HNF1A: variants seen among roughly 807,000 people sequenced by gnomAD.
The protein encoded by HNF1A is hepatocyte nuclear factor 1-alpha.
A neutral mutation model predicts 62.2 loss-of-function variants in HNF1A; 21 were observed. The ratio of observed to expected loss-of-function variants is 0.34; its 90% CI spans 0.24 to 0.49. HNF1A has a LOEUF of 0.49. Ranked by LOEUF, HNF1A falls within the 20% of genes least tolerant of loss-of-function variation. The probability of loss-of-function intolerance (pLI) is 0.99; values close to 1 mark genes in which losing one functional copy is unlikely to be tolerated. For synonymous variants in HNF1A, 374 were observed against 366.8 expected (o/e 1.02, Z -0.22); for missense variants, 687 against 832.3 (o/e 0.83, Z 2.15).
intron 2 of HNF1A, among the ~76,000 whole-genome samples, chr12:120,992,382 T>A (rs990884536): frequency 6.6e-6 from 1 of 152,222 alleles, no homozygotes; most frequent in African/African-American, 2.4e-5. Context: ...TTATACTTGA[T>A]AATGTAAACT....
At position 120,979,062 on chromosome 12, in the gene HNF1A, C is replaced by G. The variant is rs1876115150; in HGVS notation, c.294C>G (p.Ala98=). Residue 98 remains alanine, a synonymous_variant, in exon 1 of 10, where the codon GCC becomes GCG. Transcript: ENST00000257555. ...AGAACCTCAGCCCTGAGGAGGCGGC[C>G]CACCAGAAAGCCGTGGTGGAGACCC... ...ELENLSPEEA[A]HQKAVVETLL... The G allele has an allele frequency of 6.2e-7, 1 of 1,611,774 alleles. No homozygotes were observed. The highest frequency in any genetic ancestry group is 8.5e-7 in the Non-Finnish European group (1 of 1,179,124).
chr12:120,987,800 A>T (rs568935450), intron 1 of HNF1A, among the ~76,000 whole-genome samples: 72 of 151,838 alleles, frequency 4.7e-4, no homozygotes, highest in African/African-American at 1.6e-3. Context: ...CTATCTATCT[A>T]TCTATCTATC....
In HNF1A at chr12:120,993,512, G is replaced by T; in HGVS notation, c.527-8G>T. The T allele has an allele frequency of 6.2e-7, 1 of 1,613,780 alleles. No homozygotes were observed. The stretch of plus-strand genomic sequence containing the variant: ...CAGTACCCCACTCACGGCTTTCTGT[G>T]CCTGCAGAGTTCACCCATGCAGGGC... On this transcript the variant is annotated splice_polypyrimidine_tract_variant and splice_region_variant and intron_variant, in intron 2 of 9. Coordinates refer to ENST00000257555, the MANE Select transcript of HNF1A (RefSeq NM_000545.8).
In HNF1A at chr12:120,994,315, C is replaced by G. The variant is rs765829022; in HGVS notation, c.865C>G (p.Pro289Ala). Residue 289 changes from proline to alanine, a missense_variant, in exon 4 of 10, where the codon CCC (proline) becomes GCC (alanine). Around this residue, in one of 5 missense-constraint regions of HNF1A, gnomAD observed 408 missense variants for 455.3 expected, o/e 0.90. Coordinates refer to ENST00000257555, the MANE Select transcript of HNF1A (RefSeq NM_000545.8). The part of the protein sequence containing the change: ...HKLAMDTYSG[P>A]PPGPGPGPAL... ...GCTGGCCATGGACACGTACAGCGGG[C>G]CCCCCCCAGGGCCAGGCCCGGGACC... is the stretch of plus-strand genomic sequence containing the variant. 1.9e-5 allele frequency: 31 copies of G among 1,595,660 alleles called. No individual in the cohort carries two copies. The highest frequency in any genetic ancestry group is 2.5e-5 in the Non-Finnish European group (29 of 1,165,674).
At position 121,001,144 on chromosome 12, in the gene HNF1A, C is replaced by T. The variant is rs375702866; in HGVS notation, c.1848C>T (p.Ser616=). ...GQSHLLPSNH[S]VIETFISTQM... ...GCCACCTGCTGCCATCCAACCACAGCGTCATCGAGACCTTCATCTCCACCC... is the reference window on the plus strand; with the variant it reads ...GCCACCTGCTGCCATCCAACCACAGTGTCATCGAGACCTTCATCTCCACCC... The change falls in exon 10 of 10, where the codon AGC becomes AGT. Residue 616 remains serine (S), a synonymous_variant. Coordinates refer to ENST00000257555, the MANE Select transcript of HNF1A (RefSeq NM_000545.8). 38 of 1,613,986 alleles carry T rather than the reference C, an allele frequency of 2.4e-5. 1 individual carries two copies. Among genetic ancestry groups the T allele is most frequent in the South Asian group, 1.3e-4 (12 of 91,090 alleles).
chr12:120,997,405 T>C, intron 6 of HNF1A, 69 bp from the exon 7 acceptor site: 1 of 1,487,058 alleles, frequency 6.7e-7, no homozygotes, highest in Non-Finnish European at 9.0e-7. Flanking sequence ...GGTGGTGCCC[T>C]TGGGAGGTCT....
Position 121,001,168 on chromosome 12 carries a change from C to T in HNF1A, c.1872C>T (p.Thr624=), listed in dbSNP as rs1465747582. The T allele has an allele frequency of 1.2e-6, 2 of 1,614,012 alleles. No homozygotes were observed. Among genetic ancestry groups the T allele is most frequent in the African/African-American group, 2.7e-5 (2 of 74,942 alleles). The change falls in exon 10 of 10, where the codon ACC becomes ACT. Residue 624 remains threonine, a synonymous_variant. Coordinates refer to ENST00000257555, the MANE Select transcript of HNF1A (RefSeq NM_000545.8). ...GCGTCATCGAGACCTTCATCTCCACCCAGATGGCCTCTTCCTCCCAGTAAC... is the reference window on the plus strand; with the variant it reads ...GCGTCATCGAGACCTTCATCTCCACTCAGATGGCCTCTTCCTCCCAGTAAC... ...NHSVIETFIS[T]QMASSSQ is the part of the protein sequence containing the mutation.
chr12:121,002,506 G>A lies in HNF1A; in HGVS notation c.*1314G>A. On this transcript the variant is annotated 3_prime_UTR_variant, in exon 10 of 10. Coordinates refer to ENST00000257555, the MANE Select transcript of HNF1A (RefSeq NM_000545.8). The stretch of plus-strand genomic sequence containing the variant: ...TTTAGTAAAGTCAAGGAGAAATGCG[G>A]TGGAAACTTCTTGCTTGTCCACAAA... The A allele has an allele frequency of 2.0e-6, 1 of 509,850 alleles. No homozygotes were observed. Among genetic ancestry groups the A allele is most frequent in the Non-Finnish European group, 3.8e-6 (1 of 259,784 alleles). 31.6% of individuals were successfully genotyped at this position (509,850 alleles called of 1,614,324 possible).
chr12:120,995,032 T>C (rs1877030517), intron 4 of HNF1A, among the ~76,000 whole-genome samples: 4 of 150,330 alleles, frequency 2.7e-5, no homozygotes, highest in Admixed American at 2.0e-4. Flanking sequence ...CTCTACTCCA[T>C]CCACTCCCCT....
intron 2 of HNF1A, among the ~76,000 whole-genome samples, chr12:120,990,396 T>A (rs975113346): frequency 1.3e-5 from 2 of 152,186 alleles, no homozygotes; most frequent in African/African-American, 2.4e-5. Context: ...CCCAAAGCGC[T>A]GGGATTATAG....
rs2135847733 is a variant in HNF1A at position 120,997,558 on chromosome 12, C to A, written c.1394C>A (p.Ser465Tyr). Residue 465 changes from serine (S) to tyrosine (Y), a missense_variant, in exon 7 of 10, where the codon TCC becomes TAC. By Grantham distance (144) the Ser-to-Tyr change is moderately radical. This residue lies in a region of HNF1A where 408 missense variants were observed against 455.3 expected (regional missense o/e 0.90). Transcript: ENST00000257555. ...SLTTLQPVQF[S>Y]QPLHPSYQQP... ...ACCACCCTGCAGCCCGTCCAGTTCT[C>A]CCAGCCGCTGCACCCCTCCTACCAG... is the stretch of plus-strand genomic sequence containing the variant. The A allele has an allele frequency of 6.2e-7, 1 of 1,613,648 alleles. No homozygotes were observed. The highest frequency in any genetic ancestry group is 8.5e-7 in the Non-Finnish European group (1 of 1,180,014).
chr12:120,998,280 C>CAA (rs36059178), intron 7 of HNF1A: 46 of 140,318 alleles, frequency 3.3e-4, no homozygotes, highest in East Asian at 8.2e-4. Flanking sequence ...AGTACTCTGC[C>CAA]AAAAAAAAAA....
At chr12:120,980,002 G>A (rs1277865242) in intron 1 of HNF1A, among the ~76,000 whole-genome samples, 1 of 152,122 alleles carries the variant, frequency 6.6e-6, no homozygotes, top group African/African-American at 2.4e-5. Flanking sequence ...GGGGGCTACA[G>A]GGGCCACCCC....
intron 1 of HNF1A, among the ~76,000 whole-genome samples, chr12:120,988,024 C>G: frequency 6.7e-6 from 1 of 149,894 alleles, no homozygotes; most frequent in South Asian, 2.1e-4. Context: ...ACCCACCCAC[C>G]AATCCATCCA....
At position 121,001,901 on chromosome 12, in the gene HNF1A, T is replaced by C. The variant is rs1877513771; in HGVS notation, c.*709T>C. The C allele has an allele frequency of 5.9e-6, 3 of 512,548 alleles. No individual in the cohort carries two copies. Among genetic ancestry groups the C allele is most frequent in the South Asian group, 3.2e-5 (2 of 61,624 alleles). The allele number at this position is 512,548 out of a possible 1,614,324, so 31.8% of individuals were successfully genotyped here. On this transcript the variant is annotated 3_prime_UTR_variant, in exon 10 of 10. Transcript: ENST00000257555. Reference sequence around the variant, plus strand: ...CAGGCCCCATGACCTCCAGCTTTCCTGTATTTGTTCCCAAGAGCATCATGC... The same window carrying C: ...CAGGCCCCATGACCTCCAGCTTTCCCGTATTTGTTCCCAAGAGCATCATGC...
chr12:120,999,664 C>G (rs1565888274), intron 9 of HNF1A, 37 bp downstream of exon 9: 1 of 1,592,820 alleles, frequency 6.3e-7, no homozygotes, highest in Non-Finnish European at 8.5e-7. Flanking sequence ...CCTTACTGTC[C>G]CTGCCCCCTT....
Position 121,001,254 on chromosome 12 carries a change from A to G in HNF1A, c.*62A>G, listed in dbSNP as rs2135855144. 1 of 1,595,988 alleles carries G rather than the reference A, an allele frequency of 6.3e-7. No individual in the cohort carries two copies. On this transcript the variant is annotated 3_prime_UTR_variant, in exon 10 of 10. Coordinates refer to ENST00000257555, the MANE Select transcript of HNF1A (RefSeq NM_000545.8). The stretch of plus-strand genomic sequence containing the variant: ...TTGGGGGGTGATGAGGGCAGCAGCC[A>G]GCCCTGCCTGGAGGACCTGAGCCTG...
At position 120,978,755 on chromosome 12, in the gene HNF1A, G is replaced by A. The variant is rs750035345; in HGVS notation, c.-14G>A. 1.7e-5 allele frequency: 28 copies of A among 1,612,126 alleles called. No homozygotes were observed. In the South Asian group the frequency reaches 1.9e-4, roughly 11 times the overall value. On this transcript the variant is annotated 5_prime_UTR_variant, in exon 1 of 10. It adds an upstream start codon to the 5' untranslated region. Transcript: ENST00000257555. The stretch of plus-strand genomic sequence containing the variant: ...TGGTGGACCCGGGCCGCGTGGCCCT[G>A]TGGCAGCCGAGCCATGGTTTCTAAA...
intron 1 of HNF1A, among the ~76,000 whole-genome samples, chr12:120,980,308 G>T (rs1296173052): frequency 6.6e-6 from 1 of 152,042 alleles, no homozygotes; most frequent in Admixed American, 6.6e-5. Context: ...GAGAGACCGA[G>T]CCCCAAAGAT....
Sources: allele counts gnomAD v4.1 joint callset (sites outside exome capture counted in the v4.1 genomes callset), GRCh38; gene constraint gnomAD v4.1.1; regional missense constraint gnomAD v4.1.1; transcripts MANE v1.5; gene names NCBI Gene and HGNC (gene_info 2026-07-23, HGNC 2026-07-21).